The following TNFSF13B variants were observed in gnomAD, a reference collection of about 807,000 sequenced individuals.
The protein encoded by TNFSF13B is tumor necrosis factor ligand superfamily member 13B.
In TNFSF13B, 8 loss-of-function variants were observed where a neutral mutation model predicts 29.1. The observed-to-expected ratio is 0.27, with a 90% CI of 0.16 to 0.50. The LOEUF (loss-of-function observed/expected upper bound fraction) is 0.50, where lower values mean the gene tolerates loss of function less well. TNFSF13B is among the 20% of genes least tolerant of loss of function. The pLI is 0.98. For missense variants in TNFSF13B, 248 were observed against 334.9 expected (o/e 0.74, Z 2.03); for synonymous variants, 125 against 130.8 (o/e 0.96, Z 0.30).
chr13:108,302,748 C>CA, intron 3 of TNFSF13B: 2 of 878,730 alleles, frequency 2.3e-6, no homozygotes, highest in Non-Finnish European at 2.7e-6. Flanking sequence ...AAGGTTGTGT[C>CA]TTAGTCACTT....
At chr13:108,280,875 C>T (rs1185175768) in intron 2 of TNFSF13B, among the ~76,000 whole-genome samples, 3 of 152,186 alleles carry the variant, frequency 2.0e-5, no homozygotes, top group Admixed American at 1.3e-4. Flanking sequence ...AACACACACA[C>T]ACGCAAGTTA....
intron 5 of TNFSF13B, among the ~76,000 whole-genome samples, chr13:108,305,244 GTA>G (rs1305443658): frequency 1.3e-5 from 2 of 152,076 alleles, no homozygotes; most frequent in Non-Finnish European, 2.9e-5. Context: ...ACACATTAGA[GTA>G]TATATAAGTA....
At chr13:108,301,216 A>G (rs1355252537) in intron 3 of TNFSF13B, 1 of 152,200 alleles carries the variant, frequency 6.6e-6, no homozygotes. Context: ...ATCCAAAGAA[A>G]ATGAAATCAG....
chr13:108,271,595 ATCTT>A (rs1411301282), intron 2 of TNFSF13B, among the ~76,000 whole-genome samples: 36 of 152,174 alleles, frequency 2.4e-4, no homozygotes, highest in Non-Finnish European at 4.4e-4. Flanking sequence ...TGGTTATTGT[ATCTT>A]TATACTAGTT....
Position 108,307,661 on chromosome 13 carries a change from AAT to A in TNFSF13B, c.*724_*725del, listed in dbSNP as rs1360633403. The A allele has an allele frequency of 6.6e-6, 1 of 151,978 alleles. No homozygotes were observed. The highest frequency in any genetic ancestry group is 2.4e-5 in the African/African-American group (1 of 41,410). 9.4% of individuals were successfully genotyped at this position (151,978 alleles called of 1,614,324 possible). ...ATGCTCATGTGTATTTTCTATAGTG[AAT>A]TTCAGAAACTTTTAATATCAGGTAA... On this transcript the variant is annotated 3_prime_UTR_variant, in exon 6 of 6. Transcript: ENST00000375887.
At chr13:108,292,948 CT>C (rs555868831) in intron 3 of TNFSF13B, among the ~76,000 whole-genome samples, 12 of 151,922 alleles carry the variant, frequency 7.9e-5, no homozygotes, top group Admixed American at 7.9e-4. Context: ...TAAAATTTAT[CT>C]TTTTTTTGTT....
chr13:108,295,786 G>A (rs1274192320), intron 3 of TNFSF13B, among the ~76,000 whole-genome samples: 1 of 145,222 alleles, frequency 6.9e-6, no homozygotes, highest in Non-Finnish European at 1.5e-5. Flanking sequence ...TTTATTTATA[G>A]ATCAATTTGT....
At chr13:108,271,736 A>G (rs1280053274) in intron 2 of TNFSF13B, among the ~76,000 whole-genome samples, 1 of 152,136 alleles carries the variant, frequency 6.6e-6, no homozygotes, top group Non-Finnish European at 1.5e-5. Context: ...TGAAAATAAT[A>G]CGGAATATAT....
At chr13:108,279,553 A>G (rs369654778) in intron 2 of TNFSF13B, among the ~76,000 whole-genome samples, 32 of 152,338 alleles carry the variant, frequency 2.1e-4, no homozygotes, top group African/African-American at 7.5e-4. Flanking sequence ...GGTGGGTGAC[A>G]CGCATGAGAC....
chr13:108,274,733 G>C (rs554278185), intron 2 of TNFSF13B, among the ~76,000 whole-genome samples: 1 of 152,108 alleles, frequency 6.6e-6, no homozygotes, highest in Admixed American at 6.5e-5. Context: ...TTCAAGTTCT[G>C]ATTTATTTTC....
At chr13:108,298,232 A>T in intron 3 of TNFSF13B, among the ~76,000 whole-genome samples, 1 of 145,008 alleles carries the variant, frequency 6.9e-6, no homozygotes. Flanking sequence ...ATGAGATATC[A>T]CTGTACCTTC....
chr13:108,290,838 A>G (rs1881284862), intron 3 of TNFSF13B, among the ~76,000 whole-genome samples: 1 of 152,004 alleles, frequency 6.6e-6, no homozygotes, highest in Admixed American at 6.6e-5. Flanking sequence ...ACTTAAACGT[A>G]TTAAGGAAAG....
chr13:108,269,737 G>A lies in TNFSF13B; in HGVS notation c.-159G>A. The A allele has an allele frequency of 1.5e-6, 1 of 670,534 alleles. No homozygotes were observed. 41.5% of individuals were successfully genotyped at this position (670,534 alleles called of 1,614,324 possible). On this transcript the variant is annotated 5_prime_UTR_variant, in exon 1 of 6. Transcript: ENST00000375887. ...TACAGTAGGGGTAGAGATGCAGAAAGGCAGAAAGGAGAAAATTCAGGATAA... is the reference window on the plus strand; with the variant it reads ...TACAGTAGGGGTAGAGATGCAGAAAAGCAGAAAGGAGAAAATTCAGGATAA...
At chr13:108,279,979 G>A (rs747993672) in intron 2 of TNFSF13B, among the ~76,000 whole-genome samples, 4 of 151,164 alleles carry the variant, frequency 2.6e-5, no homozygotes, top group Non-Finnish European at 4.4e-5. Flanking sequence ...AAGAATTAAA[G>A]TTGAAACTTT....
chr13:108,297,795 G>A (rs1881495449), intron 3 of TNFSF13B, among the ~76,000 whole-genome samples: 1 of 145,460 alleles, frequency 6.9e-6, no homozygotes, highest in Non-Finnish European at 1.5e-5. Flanking sequence ...TGTTACAACT[G>A]ATAAACCTAC....
intron 3 of TNFSF13B, among the ~76,000 whole-genome samples, chr13:108,288,202 A>C (rs1169039724): frequency 6.6e-6 from 1 of 152,208 alleles, no homozygotes; most frequent in Non-Finnish European, 1.5e-5. Context: ...AGTGAACAAA[A>C]ATGTACTAAA....
chr13:108,273,584 T>A (rs1880679833), intron 2 of TNFSF13B, among the ~76,000 whole-genome samples: 1 of 152,202 alleles, frequency 6.6e-6, no homozygotes, highest in Non-Finnish European at 1.5e-5. Flanking sequence ...AGCCACCTCC[T>A]GTTGCTACTG....
chr13:108,278,596 TCTTC>T (rs1880828719), intron 2 of TNFSF13B, among the ~76,000 whole-genome samples: 1 of 176 alleles, frequency 5.7e-3, no homozygotes, highest in Non-Finnish European at 0.012. Context: ...CCTCCCCTTC[TCTTC>T]CTCCTCCTCC....
intron 3 of TNFSF13B, among the ~76,000 whole-genome samples, chr13:108,300,968 G>A (rs1881606801): frequency 6.6e-6 from 1 of 152,236 alleles, no homozygotes; most frequent in East Asian, 1.9e-4. Context: ...TCTGACTAGG[G>A]AAATGTTATT....
Sources: allele counts gnomAD v4.1 joint callset (sites outside exome capture counted in the v4.1 genomes callset), GRCh38; gene constraint gnomAD v4.1.1; transcripts MANE v1.5; gene names NCBI Gene and HGNC (gene_info 2026-07-23, HGNC 2026-07-21).